Variants in SNF8 observed in about 807,000 individuals in gnomAD.
The protein encoded by SNF8 is vacuolar-sorting protein SNF8.
SNF8 carries 19 observed loss-of-function variants against 36.8 expected under a neutral mutation model. The observed-to-expected ratio is 0.52, with a 90% CI of 0.36 to 0.76. The LOEUF (loss-of-function observed/expected upper bound fraction) is 0.76, where lower values mean the gene tolerates loss of function less well. Ranked by LOEUF, SNF8 falls within the 30% of genes least tolerant of loss-of-function variation. The probability of loss-of-function intolerance (pLI) is 0.00; values close to 1 mark genes in which losing one functional copy is unlikely to be tolerated. For synonymous variants in SNF8, 127 were observed against 127.4 expected, an observed-to-expected ratio of 1.00 and a Z score of 0.02; for missense variants, 268 against 322.9, an observed-to-expected ratio of 0.83 and a Z score of 1.30.
chr17:48,941,283 A>G (rs2041019523), intron 2 of SNF8, among the ~76,000 whole-genome samples: 1 of 152,070 alleles, frequency 6.6e-6, no homozygotes, highest in Non-Finnish European at 1.5e-5. Flanking sequence ...CTTCCAAAAT[A>G]CACAATTTTT....
At chr17:48,940,181 T>C (rs1385612100) in intron 3 of SNF8, among the ~76,000 whole-genome samples, 1 of 151,464 alleles carries the variant, frequency 6.6e-6, no homozygotes, top group Non-Finnish European at 1.5e-5. Flanking sequence ...AGCTGGACTA[T>C]AGACACATGC....
At chr17:48,935,072 C>G (rs1017267244) in intron 5 of SNF8, among the ~76,000 whole-genome samples, 3 of 152,152 alleles carry the variant, frequency 2.0e-5, no homozygotes, top group Non-Finnish European at 4.4e-5. Flanking sequence ...AATAATCTCA[C>G]GACTATATAC....
chr17:48,934,770 G>A (rs1175639683), intron 5 of SNF8, among the ~76,000 whole-genome samples: 1 of 152,040 alleles, frequency 6.6e-6, no homozygotes, highest in African/African-American at 2.4e-5. Flanking sequence ...GCCCAGACTG[G>A]TCTCGAACTC....
At chr17:48,933,062 A>G in intron 6 of SNF8, 143 bp downstream of exon 6, 1 of 803,220 alleles carries the variant, frequency 1.2e-6, no homozygotes, top group Non-Finnish European at 1.9e-6. Context: ...ATGTCTGCTG[A>G]ACAAGCACAG....
intron 2 of SNF8, 55 bp from the exon 3 acceptor site, chr17:48,941,117 G>T (rs2041017069): frequency 6.3e-7 from 1 of 1,593,110 alleles, no homozygotes. Flanking sequence ...ATAATCAGAT[G>T]CCAAAAACAG....
chr17:48,936,031 G>GGT, intron 5 of SNF8, 139 bp downstream of exon 5: 1 of 492,506 alleles, frequency 2.0e-6, no homozygotes. Flanking sequence ...TTTGTTTTTT[G>GGT]TTTTTTTTTT....
At chr17:48,937,197 A>C in intron 3 of SNF8, 73 bp from the exon 4 acceptor site, 1 of 1,136,836 alleles carries the variant, frequency 8.8e-7, no homozygotes, top group Non-Finnish European at 1.3e-6. Context: ...ACCTGCATTA[A>C]AACATCTATC....
chr17:48,938,496 C>CAA (rs11339083), intron 3 of SNF8, among the ~76,000 whole-genome samples: 1,782 of 113,852 alleles, frequency 0.016, 60 homozygotes, highest in African/African-American at 0.059. Flanking sequence ...AACTCCATCT[C>CAA]AAAAAAAAAA....
chr17:48,941,390 T>A (rs1168900908), intron 2 of SNF8, among the ~76,000 whole-genome samples: 1 of 152,184 alleles, frequency 6.6e-6, no homozygotes, highest in African/African-American at 2.4e-5. Flanking sequence ...GGTATATATA[T>A]AATGTGGTAT....
intron 1 of SNF8, among the ~76,000 whole-genome samples, chr17:48,944,338 G>A (rs1028100062): frequency 6.6e-6 from 1 of 152,228 alleles, no homozygotes; most frequent in Admixed American, 6.5e-5. Context: ...CAGAGTGGGC[G>A]CTGGGTTCCC....
chr17:48,931,630 C>T lies in SNF8; in HGVS notation c.639+13G>A, dbSNP rs1311295511. The T allele has an allele frequency of 1.9e-6, 3 of 1,611,316 alleles. No individual in the cohort carries two copies. Among genetic ancestry groups the T allele is most frequent in the Non-Finnish European group, 2.5e-6 (3 of 1,178,556 alleles). On this transcript the variant is annotated intron_variant, in intron 7 of 7. Transcript: ENST00000502492. ...CCTGCCTGTCTTTTCTGGACTGTTC[C>T]AAAGTTGCATACCAGCACTTGCCGC...
intron 4 of SNF8, 36 bp downstream of exon 4, chr17:48,936,984 T>A (rs1252043957): frequency 1.4e-6 from 2 of 1,435,098 alleles, no homozygotes; most frequent in African/African-American, 2.8e-5. Flanking sequence ...CTCAGAGAAG[T>A]CCAGAGTCCA....
At position 48,933,217 on chromosome 17, in the gene SNF8, C is replaced by T. The variant is rs768746564; in HGVS notation, c.552G>A (p.Leu184=). 4.3e-6 allele frequency: 7 copies of T among 1,613,574 alleles called. No homozygotes were observed. The South Asian group carries it at 6.6e-5, about 15-fold the overall frequency. The change falls in exon 6 of 8, where the codon CTG becomes CTA. Residue 184 remains leucine (L), a synonymous_variant. Transcript: ENST00000502492. ...GGTGCACCAGTACCTCTGCCAGCTG[C>T]AGCACCACGGTGTGATCCATATTGA... is the stretch of plus-strand genomic sequence containing the variant. ...AELNMDHTVV[L]QLAEKNGYVT... is the part of the protein sequence containing the mutation.
At chr17:48,936,293 A>G (rs750328103) in intron 4 of SNF8, 51 bp from the exon 5 acceptor site, 9 of 1,421,954 alleles carry the variant, frequency 6.3e-6, no homozygotes, top group South Asian at 2.3e-5. Flanking sequence ...CCCACTTTAA[A>G]TAAGTTGACA....
intron 2 of SNF8, among the ~76,000 whole-genome samples, chr17:48,942,517 A>G (rs1368939698): frequency 6.6e-6 from 1 of 151,924 alleles, no homozygotes; most frequent in Non-Finnish European, 1.5e-5. Flanking sequence ...CCCAATCACA[A>G]TCACTGGGTA....
chr17:48,933,259 C>T lies in SNF8; in HGVS notation c.510G>A (p.Gln170=). 2 of 1,614,132 alleles carry T rather than the reference C, an allele frequency of 1.2e-6. No homozygotes were observed. Among genetic ancestry groups the T allele is most frequent in the Non-Finnish European group, 1.7e-6 (2 of 1,180,036 alleles). ...IIPVGGTYLI[Q]SVPAELNMDH... Reference sequence around the variant, plus strand: ...CCATATTGAGCTCAGCTGGAACAGACTGAATGAGGTAAGTGCCGCCCACAG... The same window carrying T: ...CCATATTGAGCTCAGCTGGAACAGATTGAATGAGGTAAGTGCCGCCCACAG... The change falls in exon 6 of 8, where the codon CAG becomes CAA. Residue 170 remains glutamine, a synonymous_variant. Transcript: ENST00000502492.
chr17:48,941,200 T>A, intron 2 of SNF8, 138 bp from the exon 3 acceptor site: 3 of 936,802 alleles, frequency 3.2e-6, no homozygotes, highest in South Asian at 3.3e-5. Flanking sequence ...CTGTTTACCA[T>A]CTCTCTTTTT....
chr17:48,939,040 C>T (rs1405458915), intron 3 of SNF8, among the ~76,000 whole-genome samples: 1 of 151,438 alleles, frequency 6.6e-6, no homozygotes, highest in African/African-American at 2.4e-5. Flanking sequence ...GGGTGGATCA[C>T]GAGGTCAGGA....
chr17:48,936,026 T>TTTGTG (rs2143803145), intron 5 of SNF8, 144 bp downstream of exon 5: 2 of 577,444 alleles, frequency 3.5e-6, no homozygotes, highest in Admixed American at 3.3e-5. Context: ...TTTTGTTTGT[T>TTTGTG]TTTTGTTTTT....
Sources: gnomAD v4.1 joint callset for allele counts (sites outside exome capture counted in the v4.1 genomes callset) on GRCh38, gnomAD v4.1.1 for gene constraint, MANE v1.5 for transcripts, NCBI Gene and HGNC (gene_info 2026-07-23, HGNC 2026-07-21) for gene names.